GAD1: variants seen among roughly 807,000 people sequenced by gnomAD.
The protein encoded by GAD1 is glutamate decarboxylase 1, also known as 67 kDa glutamic acid decarboxylase.
Under a neutral mutation model 75.2 loss-of-function variants are expected in GAD1, and 35 were observed. That is an observed-to-expected ratio of 0.47 (90% CI 0.36 to 0.62). The LOEUF is 0.62. Among genes scored for constraint, GAD1 ranks in the 20% least tolerant of loss-of-function variants. The pLI is 0.00. For missense variants in GAD1, 490 were observed against 758.5 expected (o/e 0.65, Z 4.16); for synonymous variants, 257 against 271.9 (o/e 0.95, Z 0.54).
At chr2:170,819,685 A>C (rs1701811942) in intron 2 of GAD1, among the ~76,000 whole-genome samples, 1 of 149,458 alleles carries the variant, frequency 6.7e-6, no homozygotes, top group African/African-American at 2.5e-5. Flanking sequence ...AAGTGTTCCC[A>C]CTCCCCCATT....
intron 14 of GAD1, 133 bp from the exon 15 acceptor site, chr2:170,856,885 T>G: frequency 3.9e-6 from 3 of 763,200 alleles, no homozygotes; most frequent in Middle Eastern, 3.2e-4. Context: ...ACATATTTGA[T>G]TAGATTGTTC....
intron 12 of GAD1, among the ~76,000 whole-genome samples, chr2:170,850,163 G>GA (rs1259357049): frequency 6.6e-6 from 1 of 152,180 alleles, no homozygotes; most frequent in African/African-American, 2.4e-5. Flanking sequence ...GATAAATGCA[G>GA]AAAAAATAAG....
chr2:170,830,983 C>G lies in GAD1; in HGVS notation c.338C>G (p.Thr113Ser), dbSNP rs1702205762. ...LLPAKNGEEQ[T>S]VQFLLEVVDI... Reference sequence around the variant, plus strand: ...CCGGCTAAGAACGGTGAGGAGCAAACCGTGCAATTCCTCCTGGAAGTGGTG... The same window carrying G: ...CCGGCTAAGAACGGTGAGGAGCAAAGCGTGCAATTCCTCCTGGAAGTGGTG... The change falls in exon 5 of 17, where the codon ACC becomes AGC. Residue 113 changes from threonine to serine, a missense_variant. Physicochemically the swap from Thr to Ser is moderately conservative, Grantham distance 58 (BLOSUM62 1). Around this residue, in one of 3 missense-constraint regions of GAD1, gnomAD observed 165 missense variants for 216.4 expected, o/e 0.76. Coordinates refer to ENST00000358196, the MANE Select transcript of GAD1 (RefSeq NM_000817.3). The G allele has an allele frequency of 6.2e-7, 1 of 1,614,148 alleles. No individual in the cohort carries two copies. The highest frequency in any genetic ancestry group is 1.1e-5 in the South Asian group (1 of 91,088).
chr2:170,860,614 G>C lies in GAD1; in HGVS notation c.*732G>C, dbSNP rs1432442001. The C allele has an allele frequency of 1.3e-5, 2 of 152,642 alleles. No homozygotes were observed. The highest frequency in any genetic ancestry group is 4.8e-5 in the African/African-American group (2 of 41,438). 9.5% of individuals were successfully genotyped at this position (152,642 alleles called of 1,614,324 possible). A position where few individuals can be genotyped will look rare whatever the true frequency, so the allele number is the denominator to read the frequency against. On this transcript the variant is annotated 3_prime_UTR_variant, in exon 17 of 17. Transcript: ENST00000358196. ...ATATTCAGAGATGTACCATGTTAAA[G>C]AGGCGTCTTGTATTTTCTTCCCATT...
At chr2:170,832,660 GCGCGCACACA>G (rs1476893425) in intron 5 of GAD1, among the ~76,000 whole-genome samples, 1,903 of 79,422 alleles carry the variant, frequency 0.024, 24 homozygotes, top group African/African-American at 0.057. Context: ...ATGCGCGCGC[GCGCGCACACA>G]CACACACACA....
chr2:170,833,289 G>A (rs1702288818), intron 5 of GAD1, among the ~76,000 whole-genome samples: 1 of 152,242 alleles, frequency 6.6e-6, no homozygotes, highest in Non-Finnish European at 1.5e-5. Flanking sequence ...CCAGAGAGCT[G>A]CTGAGGTCTG....
intron 16 of GAD1, 92 bp downstream of exon 16, chr2:170,858,985 A>G (rs1444806835): frequency 8.9e-7 from 1 of 1,128,258 alleles, no homozygotes; most frequent in African/African-American, 1.5e-5. Context: ...TAGTGGGGGA[A>G]ATATAAAAAA....
chr2:170,845,597 A>C lies in GAD1; in HGVS notation c.843A>C (p.Lys281Asn). Residue 281 changes from lysine to asparagine, a missense_variant, in exon 8 of 17, where the codon AAA becomes AAC. This residue lies in a region of GAD1 where 324 missense variants were observed against 523.9 expected (regional missense o/e 0.62). Coordinates refer to ENST00000358196, the MANE Select transcript of GAD1 (RefSeq NM_000817.3). ...VKTKGMAAVP[K>N]LVLFTSEQSH... ...CAAAGGGCATGGCGGCTGTGCCTAA[A>C]CTGGTCCTCTTCACCTCAGAACAGG... is the stretch of plus-strand genomic sequence containing the variant. 1 of 1,614,082 alleles carries C rather than the reference A, an allele frequency of 6.2e-7. No homozygotes were observed.
At chr2:170,843,979 G>A in intron 6 of GAD1, 66 bp from the exon 7 acceptor site, 2 of 866,468 alleles carry the variant, frequency 2.3e-6, no homozygotes, top group Admixed American at 1.8e-5. Context: ...CCAATCCTCT[G>A]TGTTCCTAAA....
chr2:170,815,149 T>TG (rs1701672172), upstream of GAD1, among the ~76,000 whole-genome samples: 1 of 152,140 alleles, frequency 6.6e-6, no homozygotes, highest in Non-Finnish European at 1.5e-5. Flanking sequence ...GAGCTTCACC[T>TG]GGTTGTATGC....
intron 3 of GAD1, among the ~76,000 whole-genome samples, chr2:170,828,529 C>T (rs1429891690): frequency 2.1e-5 from 3 of 145,290 alleles, no homozygotes; most frequent in Non-Finnish European, 4.5e-5. Flanking sequence ...TCCTTGCTCT[C>T]CTCCCTCTGC....
At chr2:170,845,428 G>C (rs931061345) in intron 7 of GAD1, 78 bp from the exon 8 acceptor site, 8 of 1,235,950 alleles carry the variant, frequency 6.5e-6, no homozygotes, top group Non-Finnish European at 8.4e-6. Context: ...TGTCTCTTGA[G>C]ACACCAGCTC....
intron 2 of GAD1, among the ~76,000 whole-genome samples, chr2:170,819,711 T>C (rs189779421): frequency 1.3e-5 from 2 of 152,230 alleles, no homozygotes; most frequent in East Asian, 1.9e-4. Flanking sequence ...ATTTCTGAGA[T>C]GTAATTAATT....
Position 170,822,101 on chromosome 2 carries a change from T to C in GAD1, c.97T>C (p.Cys33Arg). ...TCTCGTCCTAGCGTACGATACCTGGTGCGGCGTGGCCCATGGATGCACCAG... is the reference window on the plus strand; with the variant it reads ...TCTCGTCCTAGCGTACGATACCTGGCGCGGCGTGGCCCATGGATGCACCAG... ...NLRPTTYDTW[C>R]GVAHGCTRKL... The change falls in exon 3 of 17, where the codon TGC becomes CGC. Residue 33 changes from cysteine (C) to arginine (R), a missense_variant. Transcript: ENST00000358196. The C allele has an allele frequency of 6.2e-7, 1 of 1,611,222 alleles. No individual in the cohort carries two copies. The highest frequency in any genetic ancestry group is 8.5e-7 in the Non-Finnish European group (1 of 1,178,966).
At chr2:170,828,087 A>ACCCTCCTCCCTCTGCTGTCCTC (rs1559271566) in intron 3 of GAD1, among the ~76,000 whole-genome samples, 1 of 13,986 alleles carries the variant, frequency 7.2e-5, no homozygotes, top group Admixed American at 8.1e-4. Flanking sequence ...TGCTGTCCTC[A>ACCCTCCTCCCTCTGCTGTCCTC]CCCCTCCTCC....
chr2:170,816,697 C>A (rs1435304285), upstream of GAD1: 1 of 152,196 alleles, frequency 6.6e-6, no homozygotes, highest in Non-Finnish European at 1.5e-5. Flanking sequence ...GGCGCAAAAC[C>A]GTGAGCTGGA....
rs1702795128 is a variant in GAD1, at chr2:170,853,766, A to C, written c.1264-107A>C. 1 of 1,080,382 alleles carries C rather than the reference A, an allele frequency of 9.3e-7. No homozygotes were observed. The highest frequency in any genetic ancestry group is 2.4e-5 in the East Asian group (1 of 42,316). 66.9% of individuals were successfully genotyped at this position (1,080,382 alleles called of 1,614,324 possible). A position where few individuals can be genotyped will look rare whatever the true frequency, so the allele number is the denominator to read the frequency against. ...AAGGCCTCATAAAGACATCAGAAGA[A>C]AGATTGCATATGACCCCAAGCCCCT... is the stretch of plus-strand genomic sequence containing the variant. On this transcript the variant is annotated intron_variant, in intron 13 of 16. Coordinates refer to ENST00000358196, the MANE Select transcript of GAD1 (RefSeq NM_000817.3). This position sits in a 1 kb window ranked among gnomAD's most constrained non-coding sequence, Gnocchi z 4.1.
chr2:170,857,347 A>G (rs1248701057), intron 15 of GAD1, among the ~76,000 whole-genome samples: 1 of 152,078 alleles, frequency 6.6e-6, no homozygotes, highest in Non-Finnish European at 1.5e-5. Context: ...CATCTTTTAA[A>G]ACTGTGTTGC....
chr2:170,854,769 A>G (rs747099171), intron 14 of GAD1, among the ~76,000 whole-genome samples: 24 of 152,206 alleles, frequency 1.6e-4, no homozygotes, highest in South Asian at 2.1e-4. Flanking sequence ...TTCAACTTCA[A>G]TAATGCCTTT....
Sources: allele counts gnomAD v4.1 joint callset (sites outside exome capture counted in the v4.1 genomes callset), GRCh38; gene constraint gnomAD v4.1.1; regional missense constraint gnomAD v4.1.1; non-coding constraint Gnocchi (gnomAD v3.1); transcripts MANE v1.5; gene names NCBI Gene and HGNC (gene_info 2026-07-23, HGNC 2026-07-21).